The following EYS variants were observed in gnomAD, a reference collection of about 807,000 sequenced individuals.
EYS encodes protein eyes shut homolog.
A neutral mutation model predicts 282.1 loss-of-function variants in EYS; 250 were observed. The ratio of observed to expected loss-of-function variants is 0.89; its 90% confidence interval spans 0.80 to 0.98. The LOEUF (loss-of-function observed/expected upper bound fraction) is 0.98. Among genes scored for constraint, EYS ranks in the 50% least tolerant of loss-of-function variants. EYS has a pLI of 0.00. For synonymous variants in EYS, 1,355 were observed against 1,282.9 expected (o/e 1.06, Z -1.20); for missense variants, 4,016 against 3,709.0 (o/e 1.08, Z -2.15).
chr6:64,761,575 G>A (rs1773158745), intron 22 of EYS, among the ~76,000 whole-genome samples: 2 of 152,162 alleles, frequency 1.3e-5, no homozygotes, highest in African/African-American at 4.8e-5. Context: ...TCCTGCCTCA[G>A]CCTCCCGAGC....
intron 26 of EYS, among the ~76,000 whole-genome samples, chr6:64,492,857 T>C (rs1776779174): frequency 6.6e-6 from 1 of 151,362 alleles, no homozygotes; most frequent in South Asian, 2.1e-4. Flanking sequence ...AAACTGAATG[T>C]TTCAGTCAGT....
intron 13 of EYS, among the ~76,000 whole-genome samples, chr6:65,037,662 GCT>G (rs1448956703): frequency 2.6e-5 from 4 of 151,656 alleles, no homozygotes; most frequent in African/African-American, 9.7e-5. Context: ...TATGGGTAAG[GCT>G]CCCAGTCAAG....
At position 64,681,328 on chromosome 6, in the gene EYS, C is replaced by A. The variant is rs114292474; in HGVS notation, c.3444-55083G>T. 6.8e-3 allele frequency among the ~76,000 whole-genome samples: 1,031 copies of A among 152,118 alleles called. 4 individuals are homozygous for A. The highest frequency in any genetic ancestry group is 8.6e-3 in the Non-Finnish European group (585 of 68,006). ...GAGGGTAATTTCTGGTCCCCCGTGCCCTTTTGTGTTTGGGTTGCTAGAGAT... is the reference window on the plus strand; with the variant it reads ...GAGGGTAATTTCTGGTCCCCCGTGCACTTTTGTGTTTGGGTTGCTAGAGAT... On this transcript the variant is annotated intron_variant, in intron 22 of 42. Transcript: ENST00000503581.
chr6:65,434,465 C>T (rs866071265), intron 5 of EYS, among the ~76,000 whole-genome samples: 9 of 151,906 alleles, frequency 5.9e-5, no homozygotes, highest in African/African-American at 1.9e-4. Context: ...GGACTACAGG[C>T]GCCCGCCACC....
chr6:63,818,540 T>C (rs368397598), intron 36 of EYS, among the ~76,000 whole-genome samples: 76 of 152,288 alleles, frequency 5.0e-4, no homozygotes, highest in African/African-American at 1.7e-3. Context: ...CTGAGGCCTA[T>C]CTTGTCCTAT....
At chr6:64,965,622 T>C (rs1476010477) in intron 14 of EYS, among the ~76,000 whole-genome samples, 5 of 152,088 alleles carry the variant, frequency 3.3e-5, no homozygotes, top group Non-Finnish European at 2.9e-5. Flanking sequence ...ATGAGTTTTA[T>C]ACTTTTTATA....
intron 31 of EYS, among the ~76,000 whole-genome samples, chr6:64,188,133 C>T (rs1270603761): frequency 6.6e-6 from 1 of 152,014 alleles, no homozygotes; most frequent in Non-Finnish European, 1.5e-5. Flanking sequence ...TACATTTCAT[C>T]GCTTTTCAGT....
intron 35 of EYS, among the ~76,000 whole-genome samples, chr6:63,931,210 C>T (rs1764882805): frequency 6.6e-6 from 1 of 152,126 alleles, no homozygotes; most frequent in African/African-American, 2.4e-5. Context: ...GCTTAATGAG[C>T]CACCCCATAC....
intron 11 of EYS, among the ~76,000 whole-genome samples, chr6:65,297,484 A>G (rs1250211380): frequency 6.6e-6 from 1 of 152,026 alleles, no homozygotes; most frequent in African/African-American, 2.4e-5. Context: ...CAATTTGTCA[A>G]GGATCACTGA....
intron 22 of EYS, among the ~76,000 whole-genome samples, chr6:64,640,661 T>C (rs1254991852): frequency 1.3e-5 from 2 of 152,036 alleles, no homozygotes; most frequent in Non-Finnish European, 2.9e-5. Flanking sequence ...ATGGCACATG[T>C]ATACATATGT....
At chr6:65,603,670 G>A (rs993923603) in intron 2 of EYS, among the ~76,000 whole-genome samples, 2 of 151,790 alleles carry the variant, frequency 1.3e-5, no homozygotes, top group African/African-American at 2.4e-5. Flanking sequence ...TTTATTATCT[G>A]TTTTTTGTAA....
chr6:65,671,470 T>C (rs1048267567), intron 1 of EYS, among the ~76,000 whole-genome samples: 4 of 151,990 alleles, frequency 2.6e-5, no homozygotes, highest in Admixed American at 1.3e-4. Flanking sequence ...AAAACTAATA[T>C]AAAATACTGT....
chr6:65,356,251 C>G (rs962187820), intron 8 of EYS, among the ~76,000 whole-genome samples: 5 of 152,030 alleles, frequency 3.3e-5, no homozygotes, highest in Non-Finnish European at 5.9e-5. Context: ...TAAGTCCTGT[C>G]TAAGGTATTT....
intron 26 of EYS, among the ~76,000 whole-genome samples, chr6:64,582,406 C>G (rs1766099059): frequency 1.3e-5 from 2 of 152,182 alleles, no homozygotes; most frequent in East Asian, 3.9e-4. Context: ...AAAACCATCC[C>G]CTAGCCCCCC....
intron 2 of EYS, among the ~76,000 whole-genome samples, chr6:65,533,519 G>A (rs867271642): frequency 3.3e-5 from 5 of 152,076 alleles, no homozygotes; most frequent in South Asian, 2.1e-4. Flanking sequence ...AAGCCTGGGA[G>A]AGACACAATA....
intron 35 of EYS, among the ~76,000 whole-genome samples, chr6:63,891,670 G>A (rs7765896): frequency 0.36 from 55,459 of 151,950 alleles, 10,571 homozygotes; most frequent in South Asian, 0.47. Context: ...TTTGAAAACC[G>A]GCACAAGACA....
rs58326040 is a variant in EYS at position 65,506,460 on chromosome 6, C to CTTTTTTTTTTTTTT, written c.-332-10481_-332-10468dup. ...GGTTTACAATATCCTTCCTTCCTTT[C>CTTTTTTTTTTTTTT]TTTTTTTTTTTTTTTTTTTTTTTTT... On this transcript the variant is annotated intron_variant, in intron 2 of 42. Coordinates refer to ENST00000503581, the MANE Select transcript of EYS (RefSeq NM_001142800.2). Among the ~76,000 whole-genome samples, 50 of 64,890 alleles carry CTTTTTTTTTTTTTT rather than the reference C, an allele frequency of 7.7e-4. 2 individuals carry two copies. Among genetic ancestry groups the CTTTTTTTTTTTTTT allele is most frequent in the Non-Finnish European group, 8.4e-4 (30 of 35,808 alleles). 42.6% of individuals were successfully genotyped at this position (64,890 alleles called of 152,430 possible).
intron 34 of EYS, among the ~76,000 whole-genome samples, chr6:63,991,913 C>T (rs564190458): frequency 9.2e-5 from 14 of 151,804 alleles, no homozygotes; most frequent in African/African-American, 3.1e-4. Context: ...AAACCTTGCA[C>T]ATCAGAAGGG....
At chr6:65,065,099 G>A (rs910888378) in intron 12 of EYS, among the ~76,000 whole-genome samples, 5 of 152,100 alleles carry the variant, frequency 3.3e-5, no homozygotes, top group Non-Finnish European at 5.9e-5. Flanking sequence ...GAATCTAGGC[G>A]TGCTGAGCCT....
Sources: gnomAD v4.1 joint callset for allele counts (sites outside exome capture counted in the v4.1 genomes callset) on GRCh38, gnomAD v4.1.1 for gene constraint, MANE v1.5 for transcripts, NCBI Gene and HGNC (gene_info 2026-07-23, HGNC 2026-07-21) for gene names.